Variants in BCAS1 observed in about 807,000 individuals in gnomAD.
BCAS1 encodes the protein brain enriched myelin associated protein 1, also known as breast carcinoma-amplified sequence 1.
Under a neutral mutation model 65.4 loss-of-function variants are expected in BCAS1, and 46 were observed. That is an observed-to-expected ratio of 0.70 (90% CI 0.55 to 0.90). The LOEUF (loss-of-function observed/expected upper bound fraction) is 0.90, where lower values mean the gene tolerates loss of function less well. Ranked by LOEUF, BCAS1 falls within the 40% of genes least tolerant of loss-of-function variation. The pLI, the probability that BCAS1 is intolerant of heterozygous loss-of-function variation, is 0.00. For synonymous variants in BCAS1, 298 were observed against 293.5 expected (o/e 1.02, Z -0.16); for missense variants, 793 against 771.2 (o/e 1.03, Z -0.33).
chr20:54,035,955 A>T (rs1341667726), intron 3 of BCAS1, among the ~76,000 whole-genome samples: 1 of 151,316 alleles, frequency 6.6e-6, no homozygotes, highest in Non-Finnish European at 1.5e-5. Context: ...TTGCCGAAAA[A>T]GAAAATCAAA....
At chr20:54,056,610 T>A (rs897929411) in intron 3 of BCAS1, among the ~76,000 whole-genome samples, 1 of 152,232 alleles carries the variant, frequency 6.6e-6, no homozygotes, top group African/African-American at 2.4e-5. Context: ...GATTTTTTTT[T>A]AAAAGAACCT....
chr20:54,046,082 A>C (rs924273345), intron 3 of BCAS1, among the ~76,000 whole-genome samples: 3 of 152,260 alleles, frequency 2.0e-5, no homozygotes, highest in Non-Finnish European at 4.4e-5. Flanking sequence ...CATATATGTT[A>C]ATTGGTATGT....
At chr20:54,029,239 G>A in intron 3 of BCAS1, 1 of 985,182 alleles carries the variant, frequency 1.0e-6, no homozygotes, top group Non-Finnish European at 1.2e-6. Flanking sequence ...GATATTCAAT[G>A]TTAATTAATC....
chr20:54,067,366 A>C (rs1297098701), intron 1 of BCAS1, among the ~76,000 whole-genome samples: 1 of 105,012 alleles, frequency 9.5e-6, no homozygotes, highest in African/African-American at 2.7e-5. Flanking sequence ...ACAGAATGAA[A>C]CTCTCTCAAT....
In BCAS1 at chr20:53,974,150, T is replaced by C. The variant is rs1914074255; in HGVS notation, c.1317+1239A>G. ...GTAAAATGGACCAATCAGCACTCTG[T>C]AAAATGGACCAATTAGCAGGATGTG... On this transcript the variant is annotated intron_variant, in intron 9 of 12. Transcript: ENST00000688948. Among the ~76,000 whole-genome samples the C allele has an allele frequency of 2.0e-5, 3 of 152,172 alleles. 1 individual carries two copies. Among genetic ancestry groups the C allele is most frequent in the Admixed American group, 2.0e-4 (3 of 15,282 alleles).
At chr20:54,027,618 G>C (rs2091701282) in intron 4 of BCAS1, among the ~76,000 whole-genome samples, 1 of 152,120 alleles carries the variant, frequency 6.6e-6, no homozygotes, top group African/African-American at 2.4e-5. Flanking sequence ...AATGTATCAA[G>C]TTTTACTTCC....
At chr20:54,029,299 A>C in intron 3 of BCAS1, 1 of 920,430 alleles carries the variant, frequency 1.1e-6, no homozygotes, top group Non-Finnish European at 1.3e-6. Flanking sequence ...TCATGATGTC[A>C]ACTGGGAGGC....
rs1177431410 is a variant in BCAS1, at chr20:54,058,130, C to A, written c.97G>T (p.Val33Phe). The A allele has an allele frequency of 2.5e-6, 4 of 1,613,922 alleles. No individual in the cohort carries two copies. In the African/African-American group the frequency reaches 5.3e-5, roughly 22 times the overall value. Reference sequence around the variant, plus strand: ...GTGTGGGTCGACACCACCACTGGAACCCCGTTCAGAGCAGACGCGTTGTCC... The same window carrying A: ...GTGTGGGTCGACACCACCACTGGAAACCCGTTCAGAGCAGACGCGTTGTCC... ...YQDNASALNG[V>F]PVVVSTHTVQ... Residue 33 changes from valine to phenylalanine, a missense_variant, in exon 3 of 13, where the codon GTT becomes TTT. Val to Phe is a conservative substitution (Grantham distance 50). Transcript: ENST00000688948.
chr20:54,008,733 C>T (rs1428464994), intron 4 of BCAS1, among the ~76,000 whole-genome samples: 1 of 151,872 alleles, frequency 6.6e-6, no homozygotes, highest in Non-Finnish European at 1.5e-5. Flanking sequence ...AGGCCTCAAA[C>T]ATAATAAAAC....
At chr20:53,954,407 C>A (rs2089638975) in intron 11 of BCAS1, among the ~76,000 whole-genome samples, 1 of 151,100 alleles carries the variant, frequency 6.6e-6, no homozygotes, top group Non-Finnish European at 1.5e-5. Flanking sequence ...ATGCTTAAGC[C>A]AGCTTTGAAG....
chr20:53,991,203 G>A (rs1363645540), intron 7 of BCAS1, among the ~76,000 whole-genome samples: 1 of 152,180 alleles, frequency 6.6e-6, no homozygotes, highest in African/African-American at 2.4e-5. Context: ...TCTATGACGC[G>A]TTTCACCAGC....
intron 3 of BCAS1, among the ~76,000 whole-genome samples, chr20:54,048,502 A>G (rs1274368881): frequency 6.6e-6 from 1 of 152,076 alleles, no homozygotes; most frequent in Non-Finnish European, 1.5e-5. Context: ...CGCATAATAC[A>G]AGGAGAAAAA....
chr20:54,029,194 A>G (rs2091748185), intron 3 of BCAS1: 1 of 985,320 alleles, frequency 1.0e-6, no homozygotes, highest in South Asian at 4.7e-5. Context: ...AAGCTACTTA[A>G]TGGAAAGTCA....
At chr20:54,069,725 C>A (rs1306846424) in intron 1 of BCAS1, among the ~76,000 whole-genome samples, 1 of 152,210 alleles carries the variant, frequency 6.6e-6, no homozygotes, top group Non-Finnish European at 1.5e-5. Flanking sequence ...TTATTAGGTT[C>A]ACTTTACAGA....
At chr20:53,997,387 T>C (rs1468469895) in intron 4 of BCAS1, among the ~76,000 whole-genome samples, 1 of 152,222 alleles carries the variant, frequency 6.6e-6, no homozygotes. Flanking sequence ...AAACTTCCCA[T>C]TGCAACACAG....
At chr20:53,967,352 C>T (rs1232168565) in intron 9 of BCAS1, among the ~76,000 whole-genome samples, 2 of 152,190 alleles carry the variant, frequency 1.3e-5, no homozygotes, top group Non-Finnish European at 2.9e-5. Context: ...TCATTCAGAG[C>T]ATGCTCAATA....
At chr20:53,995,399 T>C (rs561323517) in intron 5 of BCAS1, among the ~76,000 whole-genome samples, 65 of 152,208 alleles carry the variant, frequency 4.3e-4, no homozygotes, top group Non-Finnish European at 4.9e-4. Flanking sequence ...TTGACATTTA[T>C]TGTTTTTTCT....
chr20:53,985,081 C>T (rs2090577604), intron 8 of BCAS1, among the ~76,000 whole-genome samples: 1 of 152,110 alleles, frequency 6.6e-6, no homozygotes, highest in Non-Finnish European at 1.5e-5. Context: ...TTTTCTTCCC[C>T]ACGAAACACA....
At chr20:54,034,828 G>C (rs1011250792) in intron 3 of BCAS1, among the ~76,000 whole-genome samples, 9 of 151,038 alleles carry the variant, frequency 6.0e-5, no homozygotes, top group African/African-American at 2.2e-4. Context: ...AATTGCTAAG[G>C]CAATCCTAAG....
Sources: gnomAD v4.1 joint callset for allele counts (sites outside exome capture counted in the v4.1 genomes callset) on GRCh38, gnomAD v4.1.1 for gene constraint, MANE v1.5 for transcripts, NCBI Gene and HGNC (gene_info 2026-07-23, HGNC 2026-07-21) for gene names.